Variants in FRRS1 observed in about 807,000 individuals in gnomAD.
FRRS1 encodes the protein ferric reductase 1.
FRRS1 carries 51 observed loss-of-function variants against 70.7 expected under a neutral mutation model. The ratio of observed to expected loss-of-function variants is 0.72; its 90% confidence interval spans 0.58 to 0.91. The LOEUF is 0.91. Among genes scored for constraint, FRRS1 ranks in the 40% least tolerant of loss-of-function variants. FRRS1 has a pLI of 0.00. For synonymous variants in FRRS1, 225 were observed against 238.7 expected (o/e 0.94, Z 0.53); for missense variants, 672 against 726.0 (o/e 0.93, Z 0.86).
intron 9 of FRRS1, among the ~76,000 whole-genome samples, chr1:99,721,599 T>C (rs1187596814): frequency 7.1e-6 from 1 of 141,686 alleles, no homozygotes; most frequent in Non-Finnish European, 1.5e-5. Context: ...AGAAAAATTC[T>C]TTTTTTTTTT....
chr1:99,730,904 T>C (rs1356683496), intron 7 of FRRS1, among the ~76,000 whole-genome samples: 1 of 146,732 alleles, frequency 6.8e-6, no homozygotes, highest in Non-Finnish European at 1.5e-5. Flanking sequence ...AGCATGGTGA[T>C]GCATGCCTGT....
At chr1:99,759,046 A>C (rs1385428435) in intron 1 of FRRS1, among the ~76,000 whole-genome samples, 1 of 152,184 alleles carries the variant, frequency 6.6e-6, no homozygotes, top group Admixed American at 6.5e-5. Flanking sequence ...TATCAAGACA[A>C]TACCTGCACG....
At chr1:99,725,325 AT>A (rs1396720755) in intron 9 of FRRS1, among the ~76,000 whole-genome samples, 7 of 152,184 alleles carry the variant, frequency 4.6e-5, no homozygotes, top group Non-Finnish European at 1.0e-4. Context: ...AATATTTAAA[AT>A]TTTAATGACA....
At chr1:99,730,942 A>C (rs1655348667) in intron 7 of FRRS1, among the ~76,000 whole-genome samples, 2 of 151,892 alleles carry the variant, frequency 1.3e-5, no homozygotes, top group Non-Finnish European at 2.9e-5. Context: ...AGGCTAAGGC[A>C]GGAGAATCAC....
chr1:99,729,422 A>T (rs955676118), intron 8 of FRRS1, among the ~76,000 whole-genome samples: 6 of 152,272 alleles, frequency 3.9e-5, no homozygotes, highest in Non-Finnish European at 8.8e-5. Context: ...AACCAAAAGG[A>T]TGTAAGTGAC....
chr1:99,727,219 C>A (rs978088345), intron 9 of FRRS1, among the ~76,000 whole-genome samples: 1 of 152,162 alleles, frequency 6.6e-6, no homozygotes, highest in Non-Finnish European at 1.5e-5. Flanking sequence ...CACTGACTGG[C>A]ACTCAGTAAG....
chr1:99,747,029 G>A (rs1241288578), intron 4 of FRRS1, among the ~76,000 whole-genome samples: 1 of 152,140 alleles, frequency 6.6e-6, no homozygotes, highest in Non-Finnish European at 1.5e-5. Context: ...TTAATGAATA[G>A]TAAATATATT....
At chr1:99,728,465 T>A in intron 9 of FRRS1, 28 bp downstream of exon 9, 1 of 1,536,804 alleles carries the variant, frequency 6.5e-7, no homozygotes, top group Middle Eastern at 1.7e-4. Context: ...AAAAGACACT[T>A]GAAAAGACAG....
At chr1:99,753,880 G>A (rs901515111) in intron 1 of FRRS1, among the ~76,000 whole-genome samples, 15 of 152,112 alleles carry the variant, frequency 9.9e-5, no homozygotes, top group Admixed American at 5.9e-4. Context: ...ACCCTATTAT[G>A]TGTTTTCTAC....
chr1:99,730,003 A>G (rs182972910), intron 7 of FRRS1, among the ~76,000 whole-genome samples: 105 of 152,328 alleles, frequency 6.9e-4, no homozygotes, highest in African/African-American at 2.4e-3. Flanking sequence ...TAACATGTTT[A>G]TATGTTCATA....
chr1:99,760,423 T>A (rs1337682760), intron 1 of FRRS1, among the ~76,000 whole-genome samples: 1 of 152,202 alleles, frequency 6.6e-6, no homozygotes, highest in Non-Finnish European at 1.5e-5. Flanking sequence ...TAGCTGAAAC[T>A]CAAATTATAG....
chr1:99,741,078 G>C, intron 5 of FRRS1, 138 bp from the exon 6 acceptor site: 1 of 776,242 alleles, frequency 1.3e-6, no homozygotes, highest in Non-Finnish European at 2.1e-6. Context: ...AATTTTGCCT[G>C]AGGCAAATCT....
At chr1:99,759,091 T>A (rs574176843) in intron 1 of FRRS1, among the ~76,000 whole-genome samples, 8 of 152,228 alleles carry the variant, frequency 5.3e-5, no homozygotes, top group Non-Finnish European at 1.2e-4. Context: ...GTTCTGCTTT[T>A]GCCCTTTGTC....
chr1:99,704,978 C>T lies in FRRS1; in HGVS notation c.*4050G>A, dbSNP rs1653995144. On this transcript the variant is annotated 3_prime_UTR_variant, in exon 17 of 17. Transcript: ENST00000646001. ...CAGGTGTGATCCGATTCTCCTGGTA[C>T]ACCAAGGCAAGAACCCAGGGATACA... Among the ~76,000 whole-genome samples, 1 of 152,192 alleles carries T rather than the reference C, an allele frequency of 6.6e-6. No individual in the cohort carries two copies. The highest frequency in any genetic ancestry group is 2.4e-5 in the African/African-American group (1 of 41,448).
chr1:99,709,099 C>G lies in FRRS1; in HGVS notation c.1708G>C (p.Val570Leu). 1.2e-6 allele frequency: 2 copies of G among 1,613,318 alleles called. No homozygotes were observed. The highest frequency in any genetic ancestry group is 1.7e-6 in the Non-Finnish European group (2 of 1,179,694). The change falls in exon 17 of 17, where the codon GTG (valine) becomes CTG (leucine). Residue 570 changes from valine (V) to leucine (L), a missense_variant. Coordinates refer to ENST00000646001, the MANE Select transcript of FRRS1 (RefSeq NM_001361041.2). ...TTCCCACAGACATAAATTGCCAACA[C>G]TGCCTTTTTAAAAGCATGACCCTGA... ...ETEGHAFKKA[V>L]LAIYVCGNVT...
chr1:99,712,246 C>T (rs1654304484), intron 13 of FRRS1, 83 bp from the exon 14 acceptor site: 2 of 1,039,852 alleles, frequency 1.9e-6, no homozygotes, highest in African/African-American at 3.2e-5. Flanking sequence ...CATGTAATTT[C>T]CTTATTGTCT....
intron 7 of FRRS1, among the ~76,000 whole-genome samples, chr1:99,736,329 A>C (rs568410418): frequency 1.3e-5 from 2 of 152,298 alleles, no homozygotes; most frequent in East Asian, 1.9e-4. Context: ...TGGAAGGGGA[A>C]GGATTCATTA....
At chr1:99,722,288 A>G (rs979769192) in intron 9 of FRRS1, among the ~76,000 whole-genome samples, 2 of 152,128 alleles carry the variant, frequency 1.3e-5, no homozygotes, top group African/African-American at 4.8e-5. Context: ...GGATTACAGC[A>G]TAAGCCACTG....
chr1:99,743,798 C>T (rs935805932), intron 4 of FRRS1, among the ~76,000 whole-genome samples: 2 of 152,142 alleles, frequency 1.3e-5, no homozygotes, highest in Admixed American at 6.5e-5. Flanking sequence ...AATCCACCAG[C>T]CTCAGCCTCC....
Sources: allele counts gnomAD v4.1 joint callset (sites outside exome capture counted in the v4.1 genomes callset), GRCh38; gene constraint gnomAD v4.1.1; transcripts MANE v1.5; gene names NCBI Gene and HGNC (gene_info 2026-07-23, HGNC 2026-07-21).